CALCR: variants seen among roughly 807,000 people sequenced by gnomAD.
The protein encoded by CALCR is calcitonin receptor.
A neutral mutation model predicts 59.5 loss-of-function variants in CALCR; 47 were observed. The ratio of observed to expected loss-of-function variants is 0.79; its 90% CI spans 0.63 to 1.01. The LOEUF (loss-of-function observed/expected upper bound fraction) is 1.01, where lower values mean the gene tolerates loss of function less well. Ranked by LOEUF, CALCR falls within the 50% of genes least tolerant of loss-of-function variation. The pLI is 0.00. For missense variants in CALCR, 566 were observed against 597.1 expected, an observed-to-expected ratio of 0.95 and a Z score of 0.54; for synonymous variants, 213 against 211.3, an observed-to-expected ratio of 1.01 and a Z score of -0.07.
intron 8 of CALCR, among the ~76,000 whole-genome samples, chr7:93,453,141 C>G (rs950245501): frequency 1.3e-5 from 2 of 151,988 alleles, no homozygotes; most frequent in African/African-American, 4.8e-5. Context: ...GAACAAGGTG[C>G]CACAGTTAGT....
intron 2 of CALCR, among the ~76,000 whole-genome samples, chr7:93,561,864 C>T (rs1486978792): frequency 6.6e-6 from 1 of 152,090 alleles, no homozygotes; most frequent in African/African-American, 2.4e-5. Context: ...AATGTGTGCT[C>T]TGCCTTCAGT....
At chr7:93,513,930 T>A (rs962669054) in intron 2 of CALCR, among the ~76,000 whole-genome samples, 6 of 152,026 alleles carry the variant, frequency 3.9e-5, no homozygotes, top group Non-Finnish European at 7.4e-5. Context: ...TATAGATATT[T>A]ATTTTATTGT....
rs749664555 is a variant in CALCR at position 93,438,233 on chromosome 7, G to A, written c.840C>T (p.Thr280=). 15 of 1,613,184 alleles carry A rather than the reference G, an allele frequency of 9.3e-6. No individual in the cohort carries two copies. The highest frequency in any genetic ancestry group is 1.3e-5 in the Non-Finnish European group (15 of 1,179,294). ...PLVPTTIHAI[T]RAVYFNDNCW... The stretch of plus-strand genomic sequence containing the variant: ...ACTTGTCATTGAAGTACACGGCCCT[G>A]GTAATAGCATGGATAGTGGTTGGCA... Residue 280 remains threonine, a synonymous_variant, in exon 10 of 14, where the codon ACC becomes ACT. Transcript: ENST00000426151.
At chr7:93,516,078 A>G (rs936385023) in intron 2 of CALCR, among the ~76,000 whole-genome samples, 1 of 151,944 alleles carries the variant, frequency 6.6e-6, no homozygotes, top group Admixed American at 6.6e-5. Context: ...ATTCAAAACC[A>G]GTGTGACCAT....
chr7:93,489,072 C>T (rs1584578046), intron 2 of CALCR, among the ~76,000 whole-genome samples: 1 of 151,860 alleles, frequency 6.6e-6, no homozygotes, highest in South Asian at 2.1e-4. Context: ...GTCTCTCAGA[C>T]CACAATGCAA....
At chr7:93,428,786 CAAAAAAAAAAAAA>C (rs562182322) in intron 13 of CALCR, among the ~76,000 whole-genome samples, 1 of 83,956 alleles carries the variant, frequency 1.2e-5, no homozygotes, top group South Asian at 3.3e-4. Context: ...GACTCCGTCT[CAAAAAAAAAAAAA>C]AAAAAAGGAA....
At chr7:93,471,331 A>G (rs943704563) in intron 6 of CALCR, among the ~76,000 whole-genome samples, 1 of 151,778 alleles carries the variant, frequency 6.6e-6, no homozygotes, top group African/African-American at 2.4e-5. Flanking sequence ...GGGTGTAGAC[A>G]TGCATCTGAT....
intron 8 of CALCR, among the ~76,000 whole-genome samples, chr7:93,452,635 G>T (rs1424321644): frequency 6.6e-6 from 1 of 151,984 alleles, no homozygotes; most frequent in Non-Finnish European, 1.5e-5. Context: ...ATGAGTTTGA[G>T]TTTATGGAAC....
intron 2 of CALCR, among the ~76,000 whole-genome samples, chr7:93,488,549 G>C (rs1020423410): frequency 9.0e-6 from 1 of 111,214 alleles, no homozygotes; most frequent in South Asian, 3.1e-4. Flanking sequence ...TCAAAACAAA[G>C]GGATGGAGGA....
chr7:93,542,444 A>G (rs930691798), intron 2 of CALCR, among the ~76,000 whole-genome samples: 36 of 152,206 alleles, frequency 2.4e-4, no homozygotes, highest in African/African-American at 7.5e-4. Flanking sequence ...CAGGACTGGA[A>G]GTTGCTCTGG....
chr7:93,484,807 C>G (rs1800904314), intron 3 of CALCR, among the ~76,000 whole-genome samples: 1 of 151,758 alleles, frequency 6.6e-6, no homozygotes, highest in Admixed American at 6.6e-5. Context: ...TTGTTGTCAT[C>G]AGCATCGTCA....
chr7:93,497,866 T>G (rs1326192799), intron 2 of CALCR, among the ~76,000 whole-genome samples: 1 of 151,582 alleles, frequency 6.6e-6, no homozygotes, highest in Non-Finnish European at 1.5e-5. Flanking sequence ...GCCTAGAAGT[T>G]CAAAGACCAA....
intron 2 of CALCR, among the ~76,000 whole-genome samples, chr7:93,568,131 T>G (rs1167021015): frequency 6.6e-6 from 1 of 152,122 alleles, no homozygotes; most frequent in Admixed American, 6.6e-5. Context: ...ACAGCTCACA[T>G]GCATGGGACC....
intron 11 of CALCR, among the ~76,000 whole-genome samples, chr7:93,437,262 A>G (rs1799800275): frequency 6.6e-6 from 1 of 152,126 alleles, no homozygotes; most frequent in Admixed American, 6.5e-5. Context: ...AATAATTGCT[A>G]AAGTTTTTAC....
chr7:93,556,927 T>C (rs1329351304), intron 2 of CALCR, among the ~76,000 whole-genome samples: 1 of 151,974 alleles, frequency 6.6e-6, no homozygotes, highest in African/African-American at 2.4e-5. Flanking sequence ...TATGTAGAAA[T>C]GCTGAGCCAA....
At chr7:93,457,759 C>T (rs78433791) in intron 8 of CALCR, among the ~76,000 whole-genome samples, 4,157 of 152,206 alleles carry the variant, frequency 0.027, 208 homozygotes, top group African/African-American at 0.095. Flanking sequence ...TTCAGCTTCC[C>T]TAATTAACTG....
chr7:93,547,531 A>G (rs1429096868), intron 2 of CALCR, among the ~76,000 whole-genome samples: 1 of 152,204 alleles, frequency 6.6e-6, no homozygotes, highest in Non-Finnish European at 1.5e-5. Context: ...CTCATTCAAC[A>G]GAGAATTTGA....
intron 2 of CALCR, chr7:93,559,584 C>G (rs1789692994): frequency 6.6e-6 from 1 of 151,594 alleles, no homozygotes; most frequent in African/African-American, 2.4e-5. Context: ...CAGTGGTGGT[C>G]AGTTGCTGGC....
intron 2 of CALCR, among the ~76,000 whole-genome samples, chr7:93,501,622 T>A (rs1801323102): frequency 1.3e-5 from 2 of 152,068 alleles, no homozygotes; most frequent in African/African-American, 4.8e-5. Context: ...CCGATTCATA[T>A]TTTTCTGATA....
Sources: allele counts gnomAD v4.1 joint callset (sites outside exome capture counted in the v4.1 genomes callset), GRCh38; gene constraint gnomAD v4.1.1; transcripts MANE v1.5; gene names NCBI Gene and HGNC (gene_info 2026-07-23, HGNC 2026-07-21).